ADA2: variants seen among roughly 807,000 people sequenced by gnomAD.
The protein encoded by ADA2 is adenosine deaminase CECR1.
A neutral mutation model predicts 44.2 loss-of-function variants in ADA2; 29 were observed. The observed-to-expected ratio is 0.66, with a 90% CI of 0.49 to 0.89. The LOEUF (loss-of-function observed/expected upper bound fraction) is 0.89, where lower values mean the gene tolerates loss of function less well. ADA2 is among the 40% of genes least tolerant of loss of function. The pLI is 0.00. For missense variants in ADA2, 637 were observed against 644.8 expected (o/e 0.99, Z 0.13); for synonymous variants, 215 against 234.9 (o/e 0.92, Z 0.77).
rs2062114269 is a variant in ADA2, at chr22:17,191,532, C to T, written c.881+151G>A. 4.8e-6 allele frequency: 4 copies of T among 834,730 alleles called. No homozygotes were observed. In the African/African-American group the frequency reaches 5.1e-5, roughly 11 times the overall value. 51.7% of individuals were successfully genotyped at this position (834,730 alleles called of 1,614,324 possible). On this transcript the variant is annotated intron_variant, in intron 5 of 9. Transcript: ENST00000399837. ...GTCACCGCACTTACCTAGGACTGTG[C>T]TCTCACACAGGCACAGCACAGCTCC...
In ADA2 at chr22:17,188,412, G is replaced by C. The variant is rs1223828590; in HGVS notation, c.1008C>G (p.Asp336Glu). ...GHEDTGHSLH[D>E]YKEALMIPAK... ...CGGGGATCATCAGAGCTTCCTTGTA[G>C]TCATGCAAGGAGTGGCCAGTGTCCT... is the stretch of plus-strand genomic sequence containing the variant. The change falls in exon 7 of 10, where the codon GAC (aspartate) becomes GAG (glutamate). Residue 336 changes from aspartate to glutamate, a missense_variant. Asp to Glu is a conservative substitution (Grantham distance 45). Coordinates refer to ENST00000399837, the MANE Select transcript of ADA2 (RefSeq NM_001282225.2). 8.1e-6 allele frequency: 13 copies of C among 1,613,726 alleles called. No individual in the cohort carries two copies. The highest frequency in any genetic ancestry group is 1.1e-5 in the Non-Finnish European group (13 of 1,179,756).
chr22:17,182,813 A>G (rs998742229), intron 7 of ADA2, 52 bp from the exon 8 acceptor site: 13 of 1,548,858 alleles, frequency 8.4e-6, no homozygotes, highest in African/African-American at 1.3e-5. Flanking sequence ...CTGGTCTTCC[A>G]TGGGGGATGG....
chr22:17,183,319 G>A (rs1276026648), intron 7 of ADA2, among the ~76,000 whole-genome samples: 1 of 151,994 alleles, frequency 6.6e-6, no homozygotes, highest in Non-Finnish European at 1.5e-5. Context: ...TCTTGACCTC[G>A]TGATCCACCT....
intron 4 of ADA2, among the ~76,000 whole-genome samples, chr22:17,196,512 T>C (rs1218300449): frequency 6.6e-6 from 1 of 152,082 alleles, no homozygotes; most frequent in Non-Finnish European, 1.5e-5. Context: ...CCTGCAGTTG[T>C]CTTGGACTCA....
chr22:17,190,166 G>T lies in ADA2; in HGVS notation c.882-134C>A, dbSNP rs1020579586. ...CGTTTCCCAAACCTGAGGCACCCCT[G>T]CCCTCCTGACCCCACCCTGACCAGG... On this transcript the variant is annotated intron_variant, in intron 5 of 9. Coordinates refer to ENST00000399837, the MANE Select transcript of ADA2 (RefSeq NM_001282225.2). The T allele has an allele frequency of 6.0e-5, 40 of 669,970 alleles. No homozygotes were observed. In the African/African-American group the frequency reaches 6.9e-4, roughly 12 times the overall value. The allele number at this position is 669,970 out of a possible 1,614,324, so 41.5% of individuals were successfully genotyped here.
chr22:17,191,975 A>T (rs1450810001), intron 4 of ADA2, among the ~76,000 whole-genome samples, 165 bp from the exon 5 acceptor site: 1 of 110,374 alleles, frequency 9.1e-6, no homozygotes, highest in African/African-American at 3.3e-5. Flanking sequence ...CTGCCCAGCC[A>T]CCCTTGCCCA....
Position 17,210,260 on chromosome 22 carries a change from G to A in ADA2, c.-46-537C>T, listed in dbSNP as rs538672179. Among the ~76,000 whole-genome samples, 234 of 148,884 alleles carry A rather than the reference G, an allele frequency of 1.6e-3. 2 individuals are homozygous for A. Among genetic ancestry groups the A allele is most frequent in the African/African-American group, 5.4e-3 (216 of 40,262 alleles). ...GGCTGGAGTGTAATGGTGTGATCTCGGCTCACTGCAACCTCCGCCTCCCGG... is the reference window on the plus strand; with the variant it reads ...GGCTGGAGTGTAATGGTGTGATCTCAGCTCACTGCAACCTCCGCCTCCCGG... On this transcript the variant is annotated intron_variant, in intron 1 of 9. Transcript: ENST00000399837.
In ADA2 at chr22:17,181,968, T is replaced by C. The variant is rs1333045545; in HGVS notation, c.1294A>G (p.Thr432Ala). ...GAGCTGATCACCATGGGGTGCCCAGTGGCCATCAGAGTGGCTACAGGGTGG... is the reference window on the plus strand; with the variant it reads ...GAGCTGATCACCATGGGGTGCCCAGCGGCCATCAGAGTGGCTACAGGGTGG... ...RNHPVATLMA[T>A]GHPMVISSDD... Residue 432 changes from threonine to alanine, a missense_variant, in exon 9 of 10, where the codon ACT becomes GCT. Coordinates refer to ENST00000399837, the MANE Select transcript of ADA2 (RefSeq NM_001282225.2). The C allele has an allele frequency of 2.5e-6, 4 of 1,614,036 alleles. No individual in the cohort carries two copies. The highest frequency in any genetic ancestry group is 2.7e-5 in the African/African-American group (2 of 74,908).
intron 1 of ADA2, among the ~76,000 whole-genome samples, chr22:17,216,662 A>G (rs2062475205): frequency 1.3e-5 from 2 of 151,912 alleles, no homozygotes; most frequent in South Asian, 4.2e-4. Flanking sequence ...TGGGAGGCTG[A>G]GGCAGGAAAC....
chr22:17,192,548 T>C (rs35221892), intron 4 of ADA2, among the ~76,000 whole-genome samples: 16,164 of 151,632 alleles, frequency 0.11, 1,267 homozygotes, highest in African/African-American at 0.21. Flanking sequence ...AGGTGTGTAA[T>C]GGGGAAAGGT....
At chr22:17,208,150 G>T (rs1193527667) in intron 2 of ADA2, among the ~76,000 whole-genome samples, 1 of 152,030 alleles carries the variant, frequency 6.6e-6, no homozygotes. Context: ...AAACAGCTGG[G>T]CACAGTGGCT....
intron 9 of ADA2, 65 bp downstream of exon 9, chr22:17,181,755 G>A: frequency 4.3e-6 from 6 of 1,405,480 alleles, no homozygotes; most frequent in Non-Finnish European, 6.0e-6. Context: ...CAAGCCTCCA[G>A]AGAGGCAAAC....
In ADA2 at chr22:17,209,565, A is replaced by G; in HGVS notation, c.113T>C (p.Leu38Ser). 3 of 1,614,066 alleles carry G rather than the reference A, an allele frequency of 1.9e-6. No individual in the cohort carries two copies. Among genetic ancestry groups the G allele is most frequent in the Non-Finnish European group, 1.7e-6 (2 of 1,180,032 alleles). ...CAGCCGCATCATCTTTTCTTTCAACAACAGATGCGCCCGTGTTTCATCTAT... is the reference window on the plus strand; with the variant it reads ...CAGCCGCATCATCTTTTCTTTCAACGACAGATGCGCCCGTGTTTCATCTAT... ...LSIDETRAHLLLKEKMMRLGG... is the reference protein window; with the variant it reads ...LSIDETRAHLSLKEKMMRLGG... Residue 38 changes from leucine (L) to serine (S), a missense_variant, in exon 2 of 10, where the codon TTG (leucine) becomes TCG (serine). By Grantham distance (145) the Leu-to-Ser change is moderately radical. Transcript: ENST00000399837.
chr22:17,199,478 G>T (rs2062244366), intron 4 of ADA2: 2 of 823,030 alleles, frequency 2.4e-6, no homozygotes, highest in Non-Finnish European at 3.4e-6. Flanking sequence ...TTCTGCGAGG[G>T]TCGGAGTTCC....
chr22:17,192,518 CAAGG>C (rs1380567480), intron 4 of ADA2, among the ~76,000 whole-genome samples: 1 of 151,986 alleles, frequency 6.6e-6, no homozygotes, highest in Non-Finnish European at 1.5e-5. Flanking sequence ...GGGCAGGTGA[CAAGG>C]AAGCTAAGGG....
At chr22:17,219,879 T>C (rs2062510260), upstream of ADA2, among the ~76,000 whole-genome samples, 1 of 152,056 alleles carries the variant, frequency 6.6e-6, no homozygotes, top group South Asian at 2.1e-4. Flanking sequence ...TTTCACCATG[T>C]TGGTCAGGCT....
intron 7 of ADA2, 39 bp downstream of exon 7, chr22:17,188,300 A>G (rs1443904196): frequency 6.7e-7 from 1 of 1,486,370 alleles, no homozygotes. Context: ...TCTCCCATTG[A>G]CCACCTCCGC....
rs1222386014 is a variant in ADA2, at chr22:17,203,635, A to G, written c.681T>C (p.Tyr227=). The change falls in exon 4 of 10, where the codon TAT becomes TAC. Residue 227 remains tyrosine (Y), a synonymous_variant. Transcript: ENST00000399837. ...LIHYAPVFRD[Y]VFRSMQEFYE... ...AGAACTCCTGCATGCTCCGGAAGAC[A>G]TAGTCTCTGAACACTGGTGCGTAAT... is the stretch of plus-strand genomic sequence containing the variant. 3 of 1,614,004 alleles carry G rather than the reference A, an allele frequency of 1.9e-6. No homozygotes were observed. Among genetic ancestry groups the G allele is most frequent in the Admixed American group, 1.7e-5 (1 of 59,998 alleles).
At chr22:17,184,108 C>T (rs539083993) in intron 7 of ADA2, among the ~76,000 whole-genome samples, 9 of 151,284 alleles carry the variant, frequency 5.9e-5, no homozygotes, top group East Asian at 3.9e-4. Context: ...TACAGGCGCC[C>T]GCCACCACAC....
Sources: gnomAD v4.1 joint callset for allele counts (sites outside exome capture counted in the v4.1 genomes callset) on GRCh38, gnomAD v4.1.1 for gene constraint, MANE v1.5 for transcripts, NCBI Gene and HGNC (gene_info 2026-07-23, HGNC 2026-07-21) for gene names.